Variants in OXR1 observed in about 807,000 individuals in gnomAD.
OXR1 encodes the protein oxidation resistance protein 1.
Under a neutral mutation model 104.6 loss-of-function variants are expected in OXR1, and 41 were observed. The ratio of observed to expected loss-of-function variants is 0.39; its 90% CI spans 0.31 to 0.51. The LOEUF is 0.51. OXR1 is among the 20% of genes least tolerant of loss of function. OXR1 has a pLI of 0.77. For missense variants in OXR1, 955 were observed against 1,031.9 expected (o/e 0.93, Z 1.02); for synonymous variants, 348 against 348.4 (o/e 1.00, Z 0.01).
intron 3 of OXR1, among the ~76,000 whole-genome samples, chr8:106,663,705 A>G (rs1256572234): frequency 1.3e-5 from 2 of 152,314 alleles, no homozygotes; most frequent in East Asian, 1.9e-4. Flanking sequence ...CAGTGGGGAC[A>G]TTAGATTCTC....
At chr8:106,314,153 A>G (rs1352973276) in intron 1 of OXR1, among the ~76,000 whole-genome samples, 1 of 152,202 alleles carries the variant, frequency 6.6e-6, no homozygotes, top group African/African-American at 2.4e-5. Flanking sequence ...GAGCTTTTAT[A>G]TTAATCCAAG....
chr8:106,406,321 GA>G (rs1818232685), intron 2 of OXR1, among the ~76,000 whole-genome samples: 1 of 152,072 alleles, frequency 6.6e-6, no homozygotes, highest in Non-Finnish European at 1.5e-5. Flanking sequence ...AAAAAATTAA[GA>G]TGTAATACCC....
At chr8:106,740,235 T>G in intron 13 of OXR1, 108 bp from the exon 14 acceptor site, 1 of 691,602 alleles carries the variant, frequency 1.4e-6, no homozygotes, top group Non-Finnish European at 2.4e-6. Flanking sequence ...TGTTAATTTA[T>G]TTTTATAGCC....
At chr8:106,662,879 A>G (rs1390976467) in intron 3 of OXR1, among the ~76,000 whole-genome samples, 1 of 138,448 alleles carries the variant, frequency 7.2e-6, no homozygotes, top group Non-Finnish European at 1.6e-5. Context: ...TGATGATGAT[A>G]CTTGTAGTAA....
At chr8:106,378,689 A>G (rs1041648423) in intron 2 of OXR1, among the ~76,000 whole-genome samples, 1 of 152,060 alleles carries the variant, frequency 6.6e-6, no homozygotes, top group Non-Finnish European at 1.5e-5. Context: ...TTGTATTTTT[A>G]GTAGAGATGA....
At chr8:106,541,818 C>G (rs1322152351) in intron 3 of OXR1, among the ~76,000 whole-genome samples, 3 of 152,126 alleles carry the variant, frequency 2.0e-5, no homozygotes, top group Non-Finnish European at 4.4e-5. Flanking sequence ...CAGAGATCTT[C>G]AAAAGTGCTA....
At chr8:106,493,466 A>C (rs912973953) in intron 2 of OXR1, among the ~76,000 whole-genome samples, 1 of 152,130 alleles carries the variant, frequency 6.6e-6, no homozygotes, top group Admixed American at 6.5e-5. Flanking sequence ...AGCCTATTTA[A>C]AATGCACTCC....
intron 1 of OXR1, among the ~76,000 whole-genome samples, chr8:106,356,813 A>G (rs1265815276): frequency 6.6e-6 from 1 of 152,138 alleles, no homozygotes; most frequent in African/African-American, 2.4e-5. Flanking sequence ...GCTTCCCATA[A>G]GTTAATGCAA....
intron 1 of OXR1, among the ~76,000 whole-genome samples, chr8:106,300,199 G>C (rs2130083773): frequency 6.6e-6 from 1 of 152,206 alleles, no homozygotes; most frequent in South Asian, 2.1e-4. Context: ...CTGAACTTCT[G>C]AGTATTCTCA....
chr8:106,500,564 T>G (rs1360866172), intron 2 of OXR1, among the ~76,000 whole-genome samples: 1 of 151,536 alleles, frequency 6.6e-6, no homozygotes, highest in African/African-American at 2.4e-5. Flanking sequence ...GAGCTCGGAT[T>G]TTAAGGCAGT....
intron 7 of OXR1, among the ~76,000 whole-genome samples, chr8:106,695,787 C>T (rs1405142353): frequency 6.7e-6 from 1 of 148,534 alleles, no homozygotes; most frequent in African/African-American, 2.4e-5. Context: ...AATTTTATGC[C>T]ACTTTATCTT....
chr8:106,524,924 TC>T (rs1227338115), intron 3 of OXR1, among the ~76,000 whole-genome samples: 1 of 152,178 alleles, frequency 6.6e-6, no homozygotes, highest in Non-Finnish European at 1.5e-5. Flanking sequence ...ACCATCCTCC[TC>T]TGTTTTTGCT....
At chr8:106,364,429 A>C (rs1816381126) in intron 2 of OXR1, among the ~76,000 whole-genome samples, 1 of 152,040 alleles carries the variant, frequency 6.6e-6, no homozygotes, top group South Asian at 2.1e-4. Flanking sequence ...AAAATACAAA[A>C]AATTTGCATG....
chr8:106,687,074 T>C (rs1828810904), intron 6 of OXR1, among the ~76,000 whole-genome samples: 1 of 152,228 alleles, frequency 6.6e-6, no homozygotes, highest in South Asian at 2.1e-4. Context: ...TTCTCTAGTG[T>C]CCTTTGGGTG....
At chr8:106,681,652 G>A (rs962291571) in intron 4 of OXR1, among the ~76,000 whole-genome samples, 1 of 152,064 alleles carries the variant, frequency 6.6e-6, no homozygotes, top group African/African-American at 2.4e-5. Context: ...AGCTTCCTGA[G>A]TAGCTGGGAC....
In OXR1 at chr8:106,701,917, T is replaced by G. The variant is rs574893780; in HGVS notation, c.676-989T>G. ...CTGCCTGTGGACCCTAGTTTGCTCATTTATAAAGTAAGAAGGTTAAACTTT... is the reference window on the plus strand; with the variant it reads ...CTGCCTGTGGACCCTAGTTTGCTCAGTTATAAAGTAAGAAGGTTAAACTTT... On this transcript the variant is annotated intron_variant, in intron 7 of 16. Coordinates refer to ENST00000517566, the MANE Select transcript of OXR1 (RefSeq NM_001198533.2). 3.3e-4 allele frequency among the ~76,000 whole-genome samples: 51 copies of G among 152,338 alleles called. No homozygotes were observed. In the South Asian group the frequency reaches 5.0e-3, roughly 15 times the overall value.
intron 3 of OXR1, among the ~76,000 whole-genome samples, chr8:106,655,567 A>G (rs977887578): frequency 6.6e-6 from 1 of 152,174 alleles, no homozygotes; most frequent in Non-Finnish European, 1.5e-5. Context: ...GAGCAACTTG[A>G]TGTAGATTGA....
intron 2 of OXR1, among the ~76,000 whole-genome samples, chr8:106,370,565 A>G (rs927261464): frequency 2.0e-5 from 3 of 152,204 alleles, no homozygotes; most frequent in Non-Finnish European, 2.9e-5. Flanking sequence ...ATTTTGAGAT[A>G]TATTCCATCA....
At chr8:106,666,193 GT>G (rs1471817667) in intron 3 of OXR1, among the ~76,000 whole-genome samples, 12 of 152,104 alleles carry the variant, frequency 7.9e-5, no homozygotes, top group Non-Finnish European at 4.4e-5. Flanking sequence ...TGAGAGGTAG[GT>G]TTTACATTTT....
Sources: allele counts gnomAD v4.1 joint callset (sites outside exome capture counted in the v4.1 genomes callset), GRCh38; gene constraint gnomAD v4.1.1; transcripts MANE v1.5; gene names NCBI Gene and HGNC (gene_info 2026-07-23, HGNC 2026-07-21).